RNLS: variants seen among roughly 807,000 people sequenced by gnomAD.
RNLS encodes renalase.
Under a neutral mutation model 39.8 loss-of-function variants are expected in RNLS, and 39 were observed. The observed-to-expected ratio is 0.98, with a 90% CI of 0.76 to 1.28. The LOEUF is 1.28. RNLS is among the 50% of genes most tolerant of loss of function. The pLI, the probability that RNLS is intolerant of heterozygous loss-of-function variation, is 0.00. For missense variants in RNLS, 410 were observed against 413.3 expected, an observed-to-expected ratio of 0.99 and a Z score of 0.07; for synonymous variants, 147 against 150.7, an observed-to-expected ratio of 0.98 and a Z score of 0.18.
Position 88,368,025 on chromosome 10 carries a change from T to C in RNLS, c.527-5300A>G, listed in dbSNP as rs192399243. ...TAGCCTAACTTATTTTTTTCATTTA[T>C]AGTTAACACTTCTGTGTCCTGCTTA... On this transcript the variant is annotated intron_variant, in intron 4 of 6. Coordinates refer to ENST00000331772, the MANE Select transcript of RNLS (RefSeq NM_001031709.3). Among the ~76,000 whole-genome samples, 375 of 152,234 alleles carry C rather than the reference T, an allele frequency of 2.5e-3. 2 individuals are homozygous for C. The highest frequency in any genetic ancestry group is 8.3e-3 in the African/African-American group (347 of 41,566).
chr10:88,237,445 A>G, the RNLS span, among the ~76,000 whole-genome samples: 6 of 152,184 alleles, frequency 3.9e-5, no homozygotes, highest in Non-Finnish European at 5.9e-5. Flanking sequence ...TCATGAGCCT[A>G]TTAGACATTA....
At chr10:88,223,167 CCTT>C in the RNLS span, among the ~76,000 whole-genome samples, 1 of 152,240 alleles carries the variant, frequency 6.6e-6, no homozygotes, top group African/African-American at 2.4e-5. Context: ...CCCCCATCCT[CCTT>C]CTATCCTGTT....
At chr10:88,225,303 G>GA in the RNLS span, among the ~76,000 whole-genome samples, 24 of 152,094 alleles carry the variant, frequency 1.6e-4, no homozygotes, top group Non-Finnish European at 3.1e-4. Flanking sequence ...AACTTTGTAA[G>GA]AAAAAAAATC....
At chr10:88,305,296 G>T (rs1844837901) in intron 6 of RNLS, among the ~76,000 whole-genome samples, 1 of 152,076 alleles carries the variant, frequency 6.6e-6, no homozygotes, top group South Asian at 2.1e-4. Flanking sequence ...AAACAAGTCT[G>T]CAAAATAACA....
At chr10:88,487,833 C>T (rs904840066) in intron 4 of RNLS, among the ~76,000 whole-genome samples, 11 of 152,080 alleles carry the variant, frequency 7.2e-5, no homozygotes, top group Non-Finnish European at 1.3e-4. Flanking sequence ...CAAATTTTCA[C>T]GAACAGATGA....
rs561229821 is a variant in RNLS at position 88,380,542 on chromosome 10, AT to A, written c.527-17818del. Among the ~76,000 whole-genome samples, 1,091 of 139,402 alleles carry A rather than the reference AT, an allele frequency of 7.8e-3. 7 individuals are homozygous for A. Among genetic ancestry groups the A allele is most frequent in the Non-Finnish European group, 0.012 (742 of 63,378 alleles). The allele number at this position is 139,402 out of a possible 152,430, so 91.5% of individuals were successfully genotyped here. A position where few individuals can be genotyped will look rare whatever the true frequency, so the allele number is the denominator to read the frequency against. ...AGGCGCCCGCCACCATGCCCAGCTAATTTTTTTTTTTTTTGTATTTTTTAGT... is the reference window on the plus strand; with the variant it reads ...AGGCGCCCGCCACCATGCCCAGCTAATTTTTTTTTTTTTGTATTTTTTAGT... On this transcript the variant is annotated intron_variant, in intron 4 of 6. Transcript: ENST00000331772.
At chr10:88,349,465 TC>T (rs1262064104) in intron 5 of RNLS, among the ~76,000 whole-genome samples, 4 of 152,102 alleles carry the variant, frequency 2.6e-5, no homozygotes, top group Non-Finnish European at 2.9e-5. Flanking sequence ...AAAAGTCCCC[TC>T]CCCTTTATTT....
chr10:88,303,148 C>A (rs1421172951), intron 6 of RNLS, among the ~76,000 whole-genome samples: 2 of 152,212 alleles, frequency 1.3e-5, no homozygotes, highest in Admixed American at 1.3e-4. Context: ...GGAACTCTGG[C>A]AGGAGAAGAT....
At chr10:88,315,857 A>C (rs1845725662) in intron 5 of RNLS, among the ~76,000 whole-genome samples, 2 of 152,008 alleles carry the variant, frequency 1.3e-5, no homozygotes, top group Non-Finnish European at 2.9e-5. Context: ...GTACACATGA[A>C]ATACTCAGCA....
chr10:88,315,297 G>A (rs1015539558), intron 5 of RNLS, among the ~76,000 whole-genome samples: 13 of 152,016 alleles, frequency 8.6e-5, no homozygotes, highest in African/African-American at 2.9e-4. Flanking sequence ...CTGTCTGTTC[G>A]TAATCACAAA....
At chr10:88,236,903 T>C in the RNLS span, among the ~76,000 whole-genome samples, 183 of 152,212 alleles carry the variant, frequency 1.2e-3, 1 homozygote, top group Middle Eastern at 0.01. Context: ...TTGTTGTTCA[T>C]TGGAAGCACT....
At chr10:88,471,941 A>C (rs1843554030) in intron 4 of RNLS, among the ~76,000 whole-genome samples, 2 of 151,820 alleles carry the variant, frequency 1.3e-5, no homozygotes, top group Middle Eastern at 3.2e-3. Flanking sequence ...GCCTCCCCCT[A>C]CCTAAAAGAA....
At chr10:88,182,064 A>G in the RNLS span, among the ~76,000 whole-genome samples, 1 of 152,178 alleles carries the variant, frequency 6.6e-6, no homozygotes, top group Admixed American at 6.6e-5. Context: ...GGGTAGGTCA[A>G]ATATCCATTA....
chr10:88,535,165 C>G (rs1452753530), intron 4 of RNLS, among the ~76,000 whole-genome samples: 1 of 152,130 alleles, frequency 6.6e-6, no homozygotes, highest in South Asian at 2.1e-4. Flanking sequence ...TCACATAGTT[C>G]TCAATAAATG....
chr10:88,492,287 C>T (rs914298233), intron 4 of RNLS, among the ~76,000 whole-genome samples: 9 of 151,976 alleles, frequency 5.9e-5, no homozygotes, highest in Non-Finnish European at 1.3e-4. Context: ...AGCATTTAGT[C>T]CTCTTAAGAA....
chr10:88,248,081 T>C, the RNLS span, among the ~76,000 whole-genome samples: 1 of 152,206 alleles, frequency 6.6e-6, no homozygotes, highest in Non-Finnish European at 1.5e-5. Context: ...CCACCAAGTT[T>C]TTAATAATTT....
chr10:88,377,056 AAAT>A (rs1421069624), intron 4 of RNLS, among the ~76,000 whole-genome samples: 2 of 129,008 alleles, frequency 1.6e-5, no homozygotes, highest in Non-Finnish European at 3.4e-5. Flanking sequence ...ATTCTCTTTG[AAAT>A]AATATTTGTA....
intron 5 of RNLS, among the ~76,000 whole-genome samples, chr10:88,329,856 T>G (rs1336410381): frequency 1.3e-5 from 2 of 151,826 alleles, no homozygotes; most frequent in South Asian, 4.1e-4. Flanking sequence ...TGGCTCTTTT[T>G]CAAATCTGCA....
the RNLS span, among the ~76,000 whole-genome samples, chr10:88,202,859 C>A: frequency 6.6e-6 from 1 of 152,150 alleles, no homozygotes; most frequent in Admixed American, 6.5e-5. Flanking sequence ...CACAGGGCTA[C>A]ATTTCTGTGG....
Sources: gnomAD v4.1 joint callset for allele counts (sites outside exome capture counted in the v4.1 genomes callset) on GRCh38, gnomAD v4.1.1 for gene constraint, MANE v1.5 for transcripts, NCBI Gene and HGNC (gene_info 2026-07-23, HGNC 2026-07-21) for gene names.